Variants in PRICKLE3 observed in about 807,000 individuals in gnomAD.
The protein encoded by PRICKLE3 is LIM domain only protein 6.
In PRICKLE3, 17 loss-of-function variants were observed where a neutral mutation model predicts 33.8. The observed-to-expected ratio is 0.50, with a 90% CI of 0.34 to 0.75. PRICKLE3 has a LOEUF of 0.75. Among genes scored for constraint, PRICKLE3 ranks in the 30% least tolerant of loss-of-function variants. The pLI, the probability that PRICKLE3 is intolerant of heterozygous loss-of-function variation, is 0.01. For missense variants in PRICKLE3, 573 were observed against 576.7 expected (o/e 0.99, Z 0.07); for synonymous variants, 211 against 219.6 (o/e 0.96, Z 0.34).
chrX:49,183,457 G>T, intron 3 of PRICKLE3: 1 of 483,121 alleles, frequency 2.1e-6, no homozygotes, highest in Non-Finnish European at 3.2e-6. Context: ...TACAAGGGAG[G>T]CTGTGGTGGG....
At chrX:49,180,903 T>C (rs1477844185) in intron 3 of PRICKLE3, among the ~76,000 whole-genome samples, 2 of 111,380 alleles carry the variant, frequency 1.8e-5, no homozygotes, top group Non-Finnish European at 3.8e-5. Flanking sequence ...TGTGGCTATT[T>C]AGATGTCTAA....
chrX:49,184,738 C>T (rs1185500797), intron 1 of PRICKLE3, 28 bp from the exon 2 acceptor site: 28 of 1,161,620 alleles, frequency 2.4e-5, no homozygotes, highest in African/African-American at 3.6e-5. Flanking sequence ...AGATGCAGGG[C>T]CGGGTGAGGC....
At position 49,176,962 on chromosome X, in the gene PRICKLE3, G is replaced by A; in HGVS notation, c.1196C>T (p.Ser399Phe). Residue 399 changes from serine (S) to phenylalanine (F), a missense_variant, in exon 8 of 9, where the codon TCT becomes TTT. By Grantham distance (155) the Ser-to-Phe change is radical (BLOSUM62 -2). Transcript: ENST00000599218. ...APLAASTASF[S>F]AVKGASETTT... ...GGTCTCTGATGCCCCCTTCACAGCA[G>A]AGAAAGAGGCTGTGGAGGCTGCAAG... The A allele has an allele frequency of 8.3e-7, 1 of 1,210,725 alleles. No homozygotes were observed. Among genetic ancestry groups the A allele is most frequent in the Non-Finnish European group, 1.1e-6 (1 of 894,950 alleles).
At chrX:49,177,256 C>A in intron 7 of PRICKLE3, 54 bp from the exon 8 acceptor site, 4 of 1,061,064 alleles carry the variant, frequency 3.8e-6, no homozygotes, top group Non-Finnish European at 4.9e-6. Context: ...GGCGTAACCC[C>A]ACCCCTCGTG....
rs782712537 is a variant in PRICKLE3 at position 49,175,720 on chromosome X, C to T, written c.1801G>A (p.Ala601Thr). Residue 601 changes from alanine (A) to threonine (T), a missense_variant, in exon 9 of 9, where the codon GCA (alanine) becomes ACA (threonine). Coordinates refer to ENST00000599218, the MANE Select transcript of PRICKLE3 (RefSeq NM_006150.5). The stretch of plus-strand genomic sequence containing the variant: ...TCTCGGGCCTGACGAGGCATCCCTG[C>T]GCGAGAGTCCCTGGGGAGCGATAAA... ...PSLSLPRDSRAGMPRQARDKN... is the reference protein window; with the variant it reads ...PSLSLPRDSRTGMPRQARDKN... The T allele has an allele frequency of 2.5e-6, 3 of 1,211,403 alleles. No homozygotes were observed. The highest frequency in any genetic ancestry group is 3.5e-5 in the South Asian group (2 of 56,972).
chrX:49,176,497 G>A (rs2065418294), intron 8 of PRICKLE3, among the ~76,000 whole-genome samples: 1 of 109,348 alleles, frequency 9.1e-6, no homozygotes, highest in Non-Finnish European at 1.9e-5. Context: ...TGGTGTGGGG[G>A]GCGTGGCCAG....
At chrX:49,180,560 G>A (rs968489012) in intron 3 of PRICKLE3, among the ~76,000 whole-genome samples, 6 of 110,972 alleles carry the variant, frequency 5.4e-5, no homozygotes, top group Non-Finnish European at 1.1e-4. Flanking sequence ...GCACTGCACC[G>A]AGCTGACCAC....
chrX:49,176,819 AGAAG>A (rs2065420293), intron 8 of PRICKLE3, 80 bp downstream of exon 8: 1 of 994,867 alleles, frequency 1.0e-6, no homozygotes, highest in African/African-American at 2.0e-5. Context: ...GGGCTAGTCA[AGAAG>A]GAAGGGCCAG....
chrX:49,186,104 G>C (rs953978009), intron 1 of PRICKLE3, 152 bp downstream of exon 1: 12 of 660,623 alleles, frequency 1.8e-5, no homozygotes, highest in Non-Finnish European at 2.4e-5. Context: ...CCATCCATTC[G>C]CCTCCAGCAG....
At chrX:49,184,889 C>A in intron 1 of PRICKLE3, 179 bp from the exon 2 acceptor site, 2 of 1,135,395 alleles carry the variant, frequency 1.8e-6, no homozygotes, top group Non-Finnish European at 1.2e-6. Context: ...ACAACCGAGG[C>A]AGAGGCGGGG....
chrX:49,179,646 G>T, intron 4 of PRICKLE3, 47 bp downstream of exon 4: 1 of 1,023,615 alleles, frequency 9.8e-7, no homozygotes, highest in Non-Finnish European at 1.4e-6. Flanking sequence ...ATTGGCCCAG[G>T]CTGTGTGCTG....
In PRICKLE3 at chrX:49,175,552, T is replaced by A; in HGVS notation, c.*121A>T. The A allele has an allele frequency of 1.6e-6, 1 of 621,055 alleles. No individual in the cohort carries two copies. Among genetic ancestry groups the A allele is most frequent in the Non-Finnish European group, 2.4e-6 (1 of 416,619 alleles). The allele number at this position is 621,055 out of a possible 1,213,427, so 51.2% of individuals were successfully genotyped here. A position where few individuals can be genotyped will look rare whatever the true frequency, so the allele number is the denominator to read the frequency against. ...AGAAACAAAAATAGAAACAAACTGA[T>A]AAAGGAGGGAGGAAGAGGATTTATG... On this transcript the variant is annotated 3_prime_UTR_variant, in exon 9 of 9. Coordinates refer to ENST00000599218, the MANE Select transcript of PRICKLE3 (RefSeq NM_006150.5).
intron 2 of PRICKLE3, among the ~76,000 whole-genome samples, chrX:49,184,378 T>C (rs1418106441): frequency 9.2e-6 from 1 of 109,030 alleles, no homozygotes; most frequent in African/African-American, 3.4e-5. Context: ...TCCCTAGGGA[T>C]GCGACTCCGC....
At chrX:49,177,936 G>A in intron 7 of PRICKLE3, 57 bp downstream of exon 7, 1 of 1,113,908 alleles carries the variant, frequency 9.0e-7, no homozygotes, top group Non-Finnish European at 1.2e-6. Flanking sequence ...TGGTGGGGTA[G>A]GACTGTGGCC....
intron 4 of PRICKLE3, 70 bp downstream of exon 4, chrX:49,179,623 G>T: frequency 1.0e-6 from 1 of 961,200 alleles, no homozygotes; most frequent in Non-Finnish European, 1.5e-6. Context: ...TTCCTCCTCT[G>T]ACCCTGCCCT....
Position 49,183,770 on chromosome X carries a change from C to G in PRICKLE3, c.276G>C (p.Glu92Asp). The part of the protein sequence containing the change: ...SDDDSGCASE[E>D]YAWVPPGLKP... ...TAAGGCCTGGGGGCACCCAGGCATACTCCTCCGATGCACAGCCTGAGTCGT... is the reference window on the plus strand; with the variant it reads ...TAAGGCCTGGGGGCACCCAGGCATAGTCCTCCGATGCACAGCCTGAGTCGT... The change falls in exon 3 of 9, where the codon GAG becomes GAC. Residue 92 changes from glutamate to aspartate, a missense_variant. Glu to Asp is a conservative substitution (Grantham distance 45). Transcript: ENST00000599218. 1.7e-6 allele frequency: 2 copies of G among 1,211,424 alleles called. No homozygotes were observed. Among genetic ancestry groups the G allele is most frequent in the Non-Finnish European group, 2.2e-6 (2 of 895,358 alleles).
intron 7 of PRICKLE3, among the ~76,000 whole-genome samples, chrX:49,177,499 G>C (rs1042634342): frequency 8.9e-6 from 1 of 112,427 alleles, no homozygotes; most frequent in Non-Finnish European, 1.9e-5. Flanking sequence ...TTAGACATTA[G>C]GGGGTGGCTC....
Position 49,184,897 on chromosome X carries a change from G to A in PRICKLE3, c.43-187C>T, listed in dbSNP as rs782434393. The stretch of plus-strand genomic sequence containing the variant: ...GCGGGACACAACCGAGGCAGAGGCG[G>A]GGCAGTTGGAGCCACCTCCTTATAT... On this transcript the variant is annotated intron_variant, in intron 1 of 8. Coordinates refer to ENST00000599218, the MANE Select transcript of PRICKLE3 (RefSeq NM_006150.5). 35 of 1,128,012 alleles carry A rather than the reference G, an allele frequency of 3.1e-5. No homozygotes were observed. In the Admixed American group the frequency reaches 1.0e-3, roughly 33 times the overall value. The allele number at this position is 1,128,012 out of a possible 1,213,427, so 93.0% of individuals were successfully genotyped here.
At chrX:49,185,955 T>G (rs2065481107) in intron 1 of PRICKLE3, among the ~76,000 whole-genome samples, 1 of 105,474 alleles carries the variant, frequency 9.5e-6, no homozygotes, top group East Asian at 3.0e-4. Context: ...AACCTAAGGC[T>G]TCAAGACCCA....
Sources: gnomAD v4.1 joint callset for allele counts (sites outside exome capture counted in the v4.1 genomes callset) on GRCh38, gnomAD v4.1.1 for gene constraint, MANE v1.5 for transcripts, NCBI Gene and HGNC (gene_info 2026-07-23, HGNC 2026-07-21) for gene names.